Variants in TXNDC11 observed in about 807,000 individuals in gnomAD.
TXNDC11 encodes thioredoxin domain containing 11.
In TXNDC11, 68 loss-of-function variants were observed where a neutral mutation model predicts 78.0. The observed-to-expected ratio is 0.87, with a 90% CI of 0.72 to 1.07. The LOEUF is 1.07. TXNDC11 is among the 50% of genes least tolerant of loss of function. The pLI is 0.00. For synonymous variants in TXNDC11, 571 were observed against 495.2 expected (o/e 1.15, Z -2.03); for missense variants, 1,389 against 1,221.8 (o/e 1.14, Z -2.04).
At chr16:11,701,677 C>G (rs1306329522) in intron 5 of TXNDC11, among the ~76,000 whole-genome samples, 1 of 152,158 alleles carries the variant, frequency 6.6e-6, no homozygotes, top group African/African-American at 2.4e-5. Context: ...AACTCAACCT[C>G]ACTATCCCAA....
At chr16:11,698,765 G>A (rs1041882436) in intron 6 of TXNDC11, among the ~76,000 whole-genome samples, 2 of 152,120 alleles carry the variant, frequency 1.3e-5, no homozygotes, top group South Asian at 2.1e-4. Flanking sequence ...CTGCCCCCAA[G>A]GGCAGCATGG....
At chr16:11,711,068 AGAACTTCCCCTAGGCCTT>A (rs1336282499) in intron 5 of TXNDC11, among the ~76,000 whole-genome samples, 1 of 152,144 alleles carries the variant, frequency 6.6e-6, no homozygotes, top group East Asian at 1.9e-4. Flanking sequence ...ATTAATCCAT[AGAACTTCCCCTAGGCCTT>A]GAAAAATTAG....
intron 2 of TXNDC11, among the ~76,000 whole-genome samples, chr16:11,735,055 T>C (rs771897969): frequency 1.3e-5 from 2 of 152,214 alleles, no homozygotes; most frequent in Non-Finnish European, 2.9e-5. Flanking sequence ...GCCCAGTACC[T>C]AGCTCCATTT....
intron 3 of TXNDC11, among the ~76,000 whole-genome samples, chr16:11,733,369 C>CA (rs1201897023): frequency 1.3e-5 from 2 of 151,042 alleles, no homozygotes; most frequent in African/African-American, 2.4e-5. Context: ...ACTAAAAATA[C>CA]AAAAAAAATT....
intron 2 of TXNDC11, among the ~76,000 whole-genome samples, chr16:11,734,845 A>T (rs4780399): frequency 0.43 from 65,667 of 151,936 alleles, 14,832 homozygotes; most frequent in Middle Eastern, 0.55. Flanking sequence ...TGAGCAGGAG[A>T]GTCTTAGAAA....
intron 1 of TXNDC11, among the ~76,000 whole-genome samples, chr16:11,739,895 TAA>T (rs563758341): frequency 3.5e-4 from 52 of 147,176 alleles, no homozygotes; most frequent in African/African-American, 1.1e-3. Context: ...AAAATTAAAT[TAA>T]AAAAAAAAAT....
intron 5 of TXNDC11, among the ~76,000 whole-genome samples, chr16:11,702,843 G>C (rs2051071506): frequency 6.6e-6 from 1 of 152,110 alleles, no homozygotes; most frequent in Non-Finnish European, 1.5e-5. Flanking sequence ...TCTCCCTCAG[G>C]TAAGGAGTGG....
At position 11,734,424 on chromosome 16, in the gene TXNDC11, T is replaced by A. The variant is rs544359088; in HGVS notation, c.472-345A>T. On this transcript the variant is annotated intron_variant, in intron 2 of 11. Coordinates refer to ENST00000283033, the MANE Select transcript of TXNDC11 (RefSeq NM_015914.7). ...ATTTGGAAGGAGCTGAAATTTTTTT[T>A]TTAAAAAAAGCAGCAGTCCCTGGAT... Among the ~76,000 whole-genome samples, 34 of 152,096 alleles carry A rather than the reference T, an allele frequency of 2.2e-4. No individual in the cohort carries two copies. The South Asian group carries it at 3.3e-3, about 15-fold the overall frequency.
At chr16:11,710,389 G>C (rs953768834) in intron 5 of TXNDC11, among the ~76,000 whole-genome samples, 2 of 152,046 alleles carry the variant, frequency 1.3e-5, no homozygotes, top group African/African-American at 4.8e-5. Flanking sequence ...AACATCCTTA[G>C]CTCCCAGGCC....
chr16:11,689,107 GA>G, intron 8 of TXNDC11, among the ~76,000 whole-genome samples: 1 of 103,052 alleles, frequency 9.7e-6, no homozygotes, highest in South Asian at 3.1e-4. Context: ...TTTTTTTAAA[GA>G]GACAGGGTCT....
chr16:11,741,060 C>G (rs2052376384), intron 1 of TXNDC11, among the ~76,000 whole-genome samples: 1 of 152,006 alleles, frequency 6.6e-6, no homozygotes, highest in Non-Finnish European at 1.5e-5. Flanking sequence ...GGGCAGCCCC[C>G]ACAACACAGA....
chr16:11,684,959 T>C (rs561775417), intron 10 of TXNDC11, among the ~76,000 whole-genome samples: 18 of 152,380 alleles, frequency 1.2e-4, no homozygotes, highest in Middle Eastern at 6.8e-3. Flanking sequence ...AAGATGAACA[T>C]GTTTTCAATC....
At chr16:11,691,084 A>G in intron 8 of TXNDC11, 1 of 571,174 alleles carries the variant, frequency 1.8e-6, no homozygotes, top group Non-Finnish European at 3.1e-6. Context: ...CTTATCCAAA[A>G]TTCAGAGTGA....
chr16:11,727,130 A>G (rs1183998527), intron 4 of TXNDC11, among the ~76,000 whole-genome samples: 2 of 152,234 alleles, frequency 1.3e-5, no homozygotes, highest in East Asian at 1.9e-4. Flanking sequence ...TGCTAACTAT[A>G]TAATTTTATA....
intron 5 of TXNDC11, among the ~76,000 whole-genome samples, chr16:11,715,462 CAAAAAAAA>C (rs34233338): frequency 7.4e-6 from 1 of 135,180 alleles, no homozygotes; most frequent in South Asian, 2.5e-4. Flanking sequence ...CCTGTCACGG[CAAAAAAAA>C]AAAAAAAAAG....
chr16:11,734,744 G>T (rs920150279), intron 2 of TXNDC11, among the ~76,000 whole-genome samples: 38 of 152,178 alleles, frequency 2.5e-4, no homozygotes, highest in African/African-American at 9.2e-4. Flanking sequence ...AATTTGGAAG[G>T]CTCCACAGTT....
At chr16:11,724,947 A>G (rs2051831758) in intron 4 of TXNDC11, among the ~76,000 whole-genome samples, 1 of 152,102 alleles carries the variant, frequency 6.6e-6, no homozygotes, top group Admixed American at 6.5e-5. Context: ...AGGTTTCACC[A>G]TGTTGGCCAG....
rs1193243435 is a variant in TXNDC11 at position 11,742,509 on chromosome 16, G to T, written c.222C>A (p.Cys74Ter). ...TGAACTTGAGGGCGAGGAGCAGCGC[G>T]CAGCCGAGCGCCACGGCCCCGCAGA... ...ELLCGAVALG[C>*]ALLLALKFTC... Residue 74 changes from cysteine to a stop codon, truncating the protein, a stop_gained, in exon 1 of 12, where the codon TGC (cysteine) becomes TGA (stop). Transcript: ENST00000283033. LOFTEE classifies it high-confidence loss of function. 3 of 1,453,948 alleles carry T rather than the reference G, an allele frequency of 2.1e-6. No homozygotes were observed. The highest frequency in any genetic ancestry group is 3.0e-5 in the African/African-American group (2 of 67,366). 90.1% of individuals were successfully genotyped at this position (1,453,948 alleles called of 1,614,324 possible).
At chr16:11,713,366 T>C (rs1309700684) in intron 5 of TXNDC11, among the ~76,000 whole-genome samples, 1 of 152,112 alleles carries the variant, frequency 6.6e-6, no homozygotes, top group African/African-American at 2.4e-5. Flanking sequence ...TAAAATAATG[T>C]CAACTGAATT....
Sources: gnomAD v4.1 joint callset for allele counts (sites outside exome capture counted in the v4.1 genomes callset) on GRCh38, gnomAD v4.1.1 for gene constraint, MANE v1.5 for transcripts, NCBI Gene and HGNC (gene_info 2026-07-23, HGNC 2026-07-21) for gene names.